The following RETREG1 variants were observed in gnomAD, a reference collection of about 807,000 sequenced individuals.
The protein encoded by RETREG1 is family with sequence similarity 134 member B.
Under a neutral mutation model 54.8 loss-of-function variants are expected in RETREG1, and 44 were observed. That is an observed-to-expected ratio of 0.80 (90% CI 0.63 to 1.03). The LOEUF (loss-of-function observed/expected upper bound fraction) is 1.03. Among genes scored for constraint, RETREG1 ranks in the 50% least tolerant of loss-of-function variants. The pLI, the probability that RETREG1 is intolerant of heterozygous loss-of-function variation, is 0.00. For synonymous variants in RETREG1, 217 were observed against 238.5 expected (o/e 0.91, Z 0.83); for missense variants, 554 against 605.1 (o/e 0.92, Z 0.89).
chr5:16,506,396 C>CCAAA (rs1342124456), intron 3 of RETREG1, among the ~76,000 whole-genome samples: 1 of 152,110 alleles, frequency 6.6e-6, no homozygotes, highest in Non-Finnish European at 1.5e-5. Context: ...GACAAGGCAC[C>CCAAA]CAAAGACTTG....
intron 8 of RETREG1, 86 bp downstream of exon 8, chr5:16,477,574 ATG>A: frequency 8.4e-7 from 1 of 1,188,166 alleles, no homozygotes; most frequent in Non-Finnish European, 1.2e-6. Flanking sequence ...TGGTGGTAAC[ATG>A]TTATTTACCC....
chr5:16,610,197 G>A (rs1003632016), intron 1 of RETREG1, among the ~76,000 whole-genome samples: 2 of 152,178 alleles, frequency 1.3e-5, no homozygotes, highest in Non-Finnish European at 2.9e-5. Context: ...ATTTGACTCG[G>A]TAGGTCCTGC....
chr5:16,481,229 G>C (rs1167060769), intron 4 of RETREG1, 136 bp from the exon 5 acceptor site: 4 of 712,964 alleles, frequency 5.6e-6, no homozygotes, highest in South Asian at 1.6e-5. Context: ...TTTTTCCAAA[G>C]AGCATTATTT....
chr5:16,508,710 G>A, intron 3 of RETREG1: 3 of 1,584,500 alleles, frequency 1.9e-6, no homozygotes, highest in Admixed American at 1.8e-5. Context: ...CTCTAATGCT[G>A]AATATCAGGA....
chr5:16,599,599 A>G (rs1742994598), intron 1 of RETREG1, among the ~76,000 whole-genome samples: 1 of 152,118 alleles, frequency 6.6e-6, no homozygotes. Flanking sequence ...TACCCATTCA[A>G]TTACTGAGCA....
At chr5:16,607,780 G>T (rs1446321078) in intron 1 of RETREG1, among the ~76,000 whole-genome samples, 1 of 151,548 alleles carries the variant, frequency 6.6e-6, no homozygotes, top group Non-Finnish European at 1.5e-5. Flanking sequence ...TCAAAACCTG[G>T]CCCCACCCTT....
rs1742840284 is a variant in RETREG1, at chr5:16,594,026, T to C, written c.321-21924A>G. On this transcript the variant is annotated intron_variant, in intron 1 of 8. Coordinates refer to ENST00000306320, the MANE Select transcript of RETREG1 (RefSeq NM_001034850.3). This position sits in a 1 kb window ranked among gnomAD's most constrained non-coding sequence, Gnocchi z 4.4. ...GATTGGTTCTTTGGCCAACACCCAC[T>C]GTTTTTCAATGTCACAGGCCCACAG... Among the ~76,000 whole-genome samples the C allele has an allele frequency of 1.3e-5, 2 of 152,240 alleles. No individual in the cohort carries two copies. The highest frequency in any genetic ancestry group is 2.1e-4 in the South Asian group (1 of 4,838).
intron 3 of RETREG1, among the ~76,000 whole-genome samples, chr5:16,553,732 G>C (rs887033973): frequency 6.6e-6 from 1 of 151,898 alleles, no homozygotes; most frequent in Non-Finnish European, 1.5e-5. Flanking sequence ...GTCCTGATTG[G>C]ATAATAGGTT....
chr5:16,520,491 G>A (rs779883601), intron 3 of RETREG1, among the ~76,000 whole-genome samples: 1 of 151,834 alleles, frequency 6.6e-6, no homozygotes, highest in Non-Finnish European at 1.5e-5. Flanking sequence ...CACCACACTC[G>A]GCTAATTTTT....
At chr5:16,611,927 T>G (rs911030739) in intron 1 of RETREG1, among the ~76,000 whole-genome samples, 1 of 151,962 alleles carries the variant, frequency 6.6e-6, no homozygotes, top group African/African-American at 2.4e-5. Flanking sequence ...TAGCCAGGCT[T>G]GGTGGCATGT....
Position 16,474,952 on chromosome 5 carries a change from T to C in RETREG1, c.1283A>G (p.Gln428Arg). The change falls in exon 9 of 9, where the codon CAG (glutamine) becomes CGG (arginine). Residue 428 changes from glutamine (Q) to arginine (R), a missense_variant. Transcript: ENST00000306320. ...AAGTGCTTGCTGCACACCCTCTAAC[T>C]GGTCTTTGATAGCTGCAGTCACTGC... ...TAAVTAAIKD[Q>R]LEGVQQALSQ... is the part of the protein sequence containing the mutation. The C allele has an allele frequency of 6.2e-7, 1 of 1,613,908 alleles. No homozygotes were observed.
intron 3 of RETREG1, among the ~76,000 whole-genome samples, chr5:16,544,310 G>A (rs756040065): frequency 6.6e-6 from 1 of 152,106 alleles, no homozygotes; most frequent in South Asian, 2.1e-4. Context: ...TATACATTCT[G>A]GAAAAAATGT....
rs2126503275 is a variant in RETREG1 at position 16,474,057 on chromosome 5, TACC to T, written c.*681_*683del. ...CAACTGCTTGCTTTCTATGGGTTAATACCACCCACTGCAAGACTAGAGATGGCA... is the reference window on the plus strand; with the variant it reads ...CAACTGCTTGCTTTCTATGGGTTAATACCCACTGCAAGACTAGAGATGGCA... On this transcript the variant is annotated 3_prime_UTR_variant, in exon 9 of 9. Coordinates refer to ENST00000306320, the MANE Select transcript of RETREG1 (RefSeq NM_001034850.3). 6.5e-6 allele frequency: 1 copy of T among 152,978 alleles called. No homozygotes were observed. The highest frequency in any genetic ancestry group is 1.9e-4 in the East Asian group (1 of 5,234). The allele number at this position is 152,978 out of a possible 1,614,324, so 9.5% of individuals were successfully genotyped here. A position where few individuals can be genotyped will look rare whatever the true frequency, so the allele number is the denominator to read the frequency against.
intron 3 of RETREG1, among the ~76,000 whole-genome samples, chr5:16,485,186 G>A (rs745331243): frequency 6.6e-6 from 1 of 152,082 alleles, no homozygotes; most frequent in Non-Finnish European, 1.5e-5. Context: ...GCACAGACAG[G>A]CTAAGCTACT....
At chr5:16,595,220 C>T (rs1742868935) in intron 1 of RETREG1, among the ~76,000 whole-genome samples, 1 of 152,168 alleles carries the variant, frequency 6.6e-6, no homozygotes, top group Non-Finnish European at 1.5e-5. Context: ...TAATAGACCC[C>T]TTTAATAGTC....
intron 1 of RETREG1, among the ~76,000 whole-genome samples, chr5:16,611,734 A>C (rs1743347601): frequency 6.6e-6 from 1 of 152,234 alleles, no homozygotes; most frequent in African/African-American, 2.4e-5. Flanking sequence ...AGCAATACAA[A>C]GCAGCAAATA....
intron 3 of RETREG1, among the ~76,000 whole-genome samples, chr5:16,555,942 A>G (rs1741692340): frequency 6.6e-6 from 1 of 152,208 alleles, no homozygotes; most frequent in Admixed American, 6.5e-5. Flanking sequence ...GCATGCTATT[A>G]GGTAACAATT....
intron 3 of RETREG1, among the ~76,000 whole-genome samples, chr5:16,508,327 A>G (rs1321472564): frequency 6.6e-6 from 1 of 152,228 alleles, no homozygotes. Flanking sequence ...TTTTTTAAAA[A>G]ATTTCAGGCC....
Position 16,479,749 on chromosome 5 carries a change from C to T in RETREG1, c.671-762G>A, listed in dbSNP as rs368779857. Among the ~76,000 whole-genome samples the T allele has an allele frequency of 1.2e-4, 19 of 152,016 alleles. No homozygotes were observed. The South Asian group carries it at 2.5e-3, about 20-fold the overall frequency. On this transcript the variant is annotated intron_variant, in intron 5 of 8. Coordinates refer to ENST00000306320, the MANE Select transcript of RETREG1 (RefSeq NM_001034850.3). ...TATTCCCAATATTTATTTCTTTGTTCGTTTTAGGAAGTGTCCCGTATTATA... is the reference window on the plus strand; with the variant it reads ...TATTCCCAATATTTATTTCTTTGTTTGTTTTAGGAAGTGTCCCGTATTATA...
Sources: gnomAD v4.1 joint callset for allele counts (sites outside exome capture counted in the v4.1 genomes callset) on GRCh38, gnomAD v4.1.1 for gene constraint, Gnocchi (gnomAD v3.1) non-coding constraint, MANE v1.5 for transcripts, NCBI Gene and HGNC (gene_info 2026-07-23, HGNC 2026-07-21) for gene names.